The following ZNF521 variants were observed in gnomAD, a reference collection of about 807,000 sequenced individuals.
The protein encoded by ZNF521 is LYST-interacting protein 3.
ZNF521 carries 14 observed loss-of-function variants against 105.5 expected under a neutral mutation model. The ratio of observed to expected loss-of-function variants is 0.13; its 90% confidence interval spans 0.09 to 0.21. ZNF521 has a LOEUF of 0.21. Ranked by LOEUF, ZNF521 falls within the 10% of genes least tolerant of loss-of-function variation. ZNF521 has a pLI of 1.00. For synonymous variants in ZNF521, 635 were observed against 606.0 expected (o/e 1.05, Z -0.70); for missense variants, 1,233 against 1,629.7 (o/e 0.76, Z 4.19).
At chr18:25,243,672 T>C (rs1169145068) in intron 3 of ZNF521, among the ~76,000 whole-genome samples, 1 of 152,234 alleles carries the variant, frequency 6.6e-6, no homozygotes, top group East Asian at 1.9e-4. Context: ...TTAATAATTT[T>C]ACTTCAACGC....
In ZNF521 at chr18:25,243,183, C is replaced by T. The variant is rs944935085; in HGVS notation, c.221-15486G>A. Among the ~76,000 whole-genome samples the T allele has an allele frequency of 7.9e-5, 12 of 152,230 alleles. No individual in the cohort carries two copies. The East Asian group carries it at 1.7e-3, about 22-fold the overall frequency. On this transcript the variant is annotated intron_variant, in intron 3 of 7. Coordinates refer to ENST00000361524, the MANE Select transcript of ZNF521 (RefSeq NM_015461.3). ...TCCACATTATTTGTGGAACTCTGAA[C>T]GTTTATATCAAACCAATCATCTTTT...
chr18:25,295,738 T>C (rs1426622216), intron 3 of ZNF521, among the ~76,000 whole-genome samples: 6 of 152,356 alleles, frequency 3.9e-5, no homozygotes, highest in African/African-American at 1.4e-4. Context: ...CAGTTTTGAC[T>C]ATCACAGACA....
chr18:25,276,371 T>C (rs1910034338), intron 3 of ZNF521, among the ~76,000 whole-genome samples: 1 of 152,180 alleles, frequency 6.6e-6, no homozygotes, highest in Non-Finnish European at 1.5e-5. Context: ...TTAATCCCAC[T>C]TGTGAAGGCC....
intron 2 of ZNF521, among the ~76,000 whole-genome samples, chr18:25,335,825 C>T (rs563618207): frequency 2.0e-5 from 3 of 152,106 alleles, no homozygotes; most frequent in Non-Finnish European, 2.9e-5. Context: ...AGAGTATCAC[C>T]GGACAAGTGA....
chr18:25,160,610 C>T (rs186410484), intron 5 of ZNF521, among the ~76,000 whole-genome samples: 131 of 152,288 alleles, frequency 8.6e-4, no homozygotes, highest in African/African-American at 3.0e-3. Flanking sequence ...AGTAAAAGTT[C>T]CACAGATAAG....
intron 2 of ZNF521, among the ~76,000 whole-genome samples, chr18:25,346,645 T>C (rs1914475607): frequency 1.3e-5 from 2 of 152,190 alleles, no homozygotes; most frequent in Non-Finnish European, 2.9e-5. Flanking sequence ...AAAATAAACC[T>C]TCCTAAGTAC....
chr18:25,227,434 C>A lies in ZNF521; in HGVS notation c.484G>T (p.Asp162Tyr). ...SRLFKHKRSR[D>Y]RHIKLHTGDK... Reference sequence around the variant, plus strand: ...CCGGTGTGGAGTTTTATGTGGCGATCTCGGCTGCGCTTGTGTTTGAACAGC... The same window carrying A: ...CCGGTGTGGAGTTTTATGTGGCGATATCGGCTGCGCTTGTGTTTGAACAGC... Residue 162 changes from aspartate (D) to tyrosine (Y), a missense_variant, in exon 4 of 8, where the codon GAT (aspartate) becomes TAT (tyrosine). Around this residue, in one of 6 missense-constraint regions of ZNF521, gnomAD observed 85 missense variants for 162.2 expected, o/e 0.52. Transcript: ENST00000361524. This position sits in a 1 kb window ranked among gnomAD's most constrained non-coding sequence, Gnocchi z 5.7. 6.2e-7 allele frequency: 1 copy of A among 1,614,098 alleles called. No homozygotes were observed. Among genetic ancestry groups the A allele is most frequent in the Non-Finnish European group, 8.5e-7 (1 of 1,180,016 alleles).
chr18:25,126,709 A>G (rs2034545734), intron 5 of ZNF521, among the ~76,000 whole-genome samples: 1 of 152,108 alleles, frequency 6.6e-6, no homozygotes. Context: ...TAAGCACAAT[A>G]AGATAAATCT....
chr18:25,094,023 T>C (rs1335440612), intron 5 of ZNF521, among the ~76,000 whole-genome samples: 1 of 152,212 alleles, frequency 6.6e-6, no homozygotes. Flanking sequence ...GTAAGAAGGT[T>C]ACTACGGGTT....
chr18:25,146,925 T>A (rs957034214), intron 5 of ZNF521, among the ~76,000 whole-genome samples: 1 of 152,134 alleles, frequency 6.6e-6, no homozygotes, highest in Non-Finnish European at 1.5e-5. Flanking sequence ...TCTTACGTGT[T>A]TGTAAATAAA....
At chr18:25,092,210 G>A in intron 5 of ZNF521, 129 bp from the exon 6 acceptor site, 1 of 1,041,208 alleles carries the variant, frequency 9.6e-7, no homozygotes, top group South Asian at 2.0e-5. Flanking sequence ...TATTATATAT[G>A]GTTTCTGGTT....
chr18:25,180,968 A>G (rs2035622537), intron 5 of ZNF521, among the ~76,000 whole-genome samples: 1 of 152,172 alleles, frequency 6.6e-6, no homozygotes, highest in Non-Finnish European at 1.5e-5. Context: ...AGTGATTTTA[A>G]CAGGTAAGTA....
chr18:25,235,907 C>T (rs1338371403), intron 3 of ZNF521, among the ~76,000 whole-genome samples: 1 of 150,338 alleles, frequency 6.7e-6, no homozygotes, highest in African/African-American at 2.5e-5. Flanking sequence ...AAAGCTGTTA[C>T]AAAGATTAGG....
rs138993875 is a variant in ZNF521, at chr18:25,226,038, G to A, written c.1880C>T (p.Pro627Leu). 3 of 1,614,048 alleles carry A rather than the reference G, an allele frequency of 1.9e-6. No homozygotes were observed. In the African/African-American group the frequency reaches 4.0e-5, roughly 22 times the overall value. ...GATATATTCTCCAGTGGGACGTGCA[G>A]GTGCACCTCCTACTGCCTGCATCAT... ...LKMMQAVGGAPARPTGEYICN... is the reference protein window; with the variant it reads ...LKMMQAVGGALARPTGEYICN... Residue 627 changes from proline to leucine, a missense_variant, in exon 4 of 8, where the codon CCT becomes CTT. Physicochemically the swap from Pro to Leu is moderately conservative, Grantham distance 98 (BLOSUM62 -3). This residue lies in a region of ZNF521 where 614 missense variants were observed against 751.5 expected (regional missense o/e 0.82). Transcript: ENST00000361524. The surrounding 1 kb of genome is among the most constrained non-coding windows in gnomAD (Gnocchi z 4.1).
chr18:25,270,034 A>G (rs1909544640), intron 3 of ZNF521, among the ~76,000 whole-genome samples: 1 of 152,142 alleles, frequency 6.6e-6, no homozygotes, highest in African/African-American at 2.4e-5. Flanking sequence ...ATAGACCACT[A>G]CTCAGACTAA....
intron 3 of ZNF521, among the ~76,000 whole-genome samples, chr18:25,257,368 C>A (rs1908592463): frequency 6.6e-6 from 1 of 152,092 alleles, no homozygotes; most frequent in Non-Finnish European, 1.5e-5. Flanking sequence ...GACCCCTGGA[C>A]AACAAGGAAA....
intron 5 of ZNF521, among the ~76,000 whole-genome samples, chr18:25,167,230 A>G (rs1352115508): frequency 2.0e-5 from 3 of 152,224 alleles, no homozygotes; most frequent in African/African-American, 7.2e-5. Context: ...TTACAGATTC[A>G]CATTCACAAT....
rs1055292474 is a variant in ZNF521 at position 25,096,953 on chromosome 18, C to T, written c.3659-4872G>A. ...CCCTACAGTTGTAACTTATCCAGTT[C>T]GAATGTGTGTTACCACTGTATCCTC... On this transcript the variant is annotated intron_variant, in intron 5 of 7. Coordinates refer to ENST00000361524, the MANE Select transcript of ZNF521 (RefSeq NM_015461.3). Among the ~76,000 whole-genome samples, 8 of 152,140 alleles carry T rather than the reference C, an allele frequency of 5.3e-5. No homozygotes were observed. In the South Asian group the frequency reaches 6.2e-4, roughly 12 times the overall value.
At chr18:25,103,800 G>A (rs1019976890) in intron 5 of ZNF521, among the ~76,000 whole-genome samples, 4 of 146,216 alleles carry the variant, frequency 2.7e-5, no homozygotes, top group African/African-American at 7.5e-5. Context: ...GGAAGGGAGG[G>A]AGGGAGGGAG....
Sources: gnomAD v4.1 joint callset for allele counts (sites outside exome capture counted in the v4.1 genomes callset) on GRCh38, gnomAD v4.1.1 for gene constraint, gnomAD v4.1.1 regional missense constraint, Gnocchi (gnomAD v3.1) non-coding constraint, MANE v1.5 for transcripts, NCBI Gene and HGNC (gene_info 2026-07-23, HGNC 2026-07-21) for gene names.